GALM: variants seen among roughly 807,000 people sequenced by gnomAD.
GALM encodes the protein aldose 1-epimerase.
Under a neutral mutation model 37.4 loss-of-function variants are expected in GALM, and 43 were observed. The ratio of observed to expected loss-of-function variants is 1.15; its 90% CI spans 0.90 to 1.48. The LOEUF (loss-of-function observed/expected upper bound fraction) is 1.48, where lower values mean the gene tolerates loss of function less well. GALM is among the 40% of genes most tolerant of loss of function. GALM has a pLI of 0.00. For synonymous variants in GALM, 199 were observed against 170.6 expected (o/e 1.17, Z -1.30); for missense variants, 456 against 419.1 (o/e 1.09, Z -0.77).
At chr2:38,689,940 C>T (rs1208446331) in intron 4 of GALM, 46 bp downstream of exon 4, 1 of 1,110,114 alleles carries the variant, frequency 9.0e-7, no homozygotes, top group South Asian at 1.3e-5. Flanking sequence ...CATGGATTGG[C>T]TCTCGAGGCC....
chr2:38,689,633 T>C (rs1046758305), intron 3 of GALM, among the ~76,000 whole-genome samples, 180 bp from the exon 4 acceptor site: 6 of 152,228 alleles, frequency 3.9e-5, no homozygotes, highest in African/African-American at 1.4e-4. Flanking sequence ...AATTTATCTG[T>C]TGCTATTTTG....
chr2:38,729,493 AG>A, intron 4 of GALM, 62 bp from the exon 5 acceptor site: 3 of 1,471,866 alleles, frequency 2.0e-6, no homozygotes, highest in Non-Finnish European at 2.8e-6. Context: ...GCCTTTGTGG[AG>A]GCTCTATATA....
intron 1 of GALM, among the ~76,000 whole-genome samples, chr2:38,669,932 G>A (rs13011383): frequency 0.098 from 14,537 of 148,246 alleles, 943 homozygotes; most frequent in South Asian, 0.23. Context: ...GCGCTATCTC[G>A]GCTCACTGCA....
intron 3 of GALM, among the ~76,000 whole-genome samples, chr2:38,688,043 C>T (rs1236379553): frequency 2.0e-5 from 3 of 151,682 alleles, no homozygotes; most frequent in Non-Finnish European, 4.4e-5. Context: ...GAAACCCCAT[C>T]TCTACTAAAA....
At chr2:38,681,779 T>C (rs1028932717) in intron 3 of GALM, among the ~76,000 whole-genome samples, 1 of 152,242 alleles carries the variant, frequency 6.6e-6, no homozygotes, top group African/African-American at 2.4e-5. Context: ...TGTGCTTATA[T>C]TTGCTTCCCT....
chr2:38,694,869 C>T (rs1325316976), intron 4 of GALM, among the ~76,000 whole-genome samples: 1 of 143,934 alleles, frequency 6.9e-6, no homozygotes, highest in Non-Finnish European at 1.5e-5. Context: ...TACACTCCAG[C>T]CTGGGCAACA....
intron 4 of GALM, among the ~76,000 whole-genome samples, chr2:38,701,817 T>C (rs1281593062): frequency 6.6e-6 from 1 of 152,186 alleles, no homozygotes; most frequent in Non-Finnish European, 1.5e-5. Context: ...TTGATCTTTA[T>C]GTATTAGCAT....
chr2:38,727,902 T>C (rs189912817), intron 4 of GALM, among the ~76,000 whole-genome samples: 425 of 152,310 alleles, frequency 2.8e-3, no homozygotes, highest in African/African-American at 9.7e-3. Context: ...TACAAGTTCC[T>C]GCTTTTTCTT....
intron 4 of GALM, among the ~76,000 whole-genome samples, chr2:38,690,698 G>A (rs569045472): frequency 6.6e-6 from 1 of 152,268 alleles, no homozygotes; most frequent in East Asian, 1.9e-4. Context: ...CTCTCAGAGG[G>A]CTGGGATTAC....
At chr2:38,680,004 A>C in intron 2 of GALM, 1 of 452,656 alleles carries the variant, frequency 2.2e-6, no homozygotes, top group Non-Finnish European at 4.4e-6. Context: ...CAAAAGCAAA[A>C]TGCCTTTTAT....
intron 4 of GALM, among the ~76,000 whole-genome samples, chr2:38,727,352 A>C (rs996566201): frequency 6.6e-6 from 1 of 152,136 alleles, no homozygotes; most frequent in African/African-American, 2.4e-5. Context: ...GTACCTAGGC[A>C]TCCTGAGGCT....
chr2:38,666,343 A>G lies in GALM; in HGVS notation c.182A>G (p.Glu61Gly). 2 of 1,611,146 alleles carry G rather than the reference A, an allele frequency of 1.2e-6. No homozygotes were observed. The highest frequency in any genetic ancestry group is 2.2e-5 in the East Asian group (1 of 44,744). ...RASDVVLGFAELEGYLQKQPY... is the reference protein window; with the variant it reads ...RASDVVLGFAGLEGYLQKQPY... ...TCGGACGTGGTGCTTGGCTTCGCCG[A>G]GTTGGAAGGTGGGTTGAACTGTGCC... Residue 61 changes from glutamate to glycine, a missense_variant, in exon 1 of 7, where the codon GAG becomes GGG. Physicochemically the swap from Glu to Gly is moderately conservative, Grantham distance 98. Transcript: ENST00000272252.
At chr2:38,723,236 C>G (rs554661165) in intron 4 of GALM, among the ~76,000 whole-genome samples, 1 of 152,276 alleles carries the variant, frequency 6.6e-6, no homozygotes, top group Admixed American at 6.5e-5. Flanking sequence ...CCAACTAACT[C>G]AGAGTTGAGA....
rs1396839526 is a variant in GALM at position 38,675,541 on chromosome 2, TTTTGTGTGTGTGTG to T, written c.191-369_191-356del. ...GGGTTTTTTTGTTTTTTTTTTTTTT[TTTTGTGTGTGTGTG>T]TGTGTGTGTGTGTGTGTGTGTGTGT... On this transcript the variant is annotated intron_variant, in intron 1 of 6. Coordinates refer to ENST00000272252, the MANE Select transcript of GALM (RefSeq NM_138801.3). 9.6e-4 allele frequency among the ~76,000 whole-genome samples: 63 copies of T among 65,566 alleles called. No homozygotes were observed. In the South Asian group the frequency reaches 0.011, roughly 11 times the overall value. The allele number at this position is 65,566 out of a possible 152,430, so 43.0% of individuals were successfully genotyped here.
chr2:38,682,913 AT>A (rs1377116260), intron 3 of GALM, among the ~76,000 whole-genome samples: 1 of 150,900 alleles, frequency 6.6e-6, no homozygotes, highest in Non-Finnish European at 1.5e-5. Flanking sequence ...AAAAAAAAAA[AT>A]CTTAAAAACG....
intron 4 of GALM, among the ~76,000 whole-genome samples, chr2:38,700,269 C>A (rs1237064355): frequency 6.6e-6 from 1 of 152,052 alleles, no homozygotes; most frequent in Non-Finnish European, 1.5e-5. Flanking sequence ...CAGTTTAAAT[C>A]TAGTGTTTTG....
In GALM at chr2:38,731,854, C is replaced by T; in HGVS notation, c.896C>T (p.Pro299Leu). ...TLKGKNGAVY[P>L]KHSGFCLETQ... ...AAGGGCAAGAATGGAGCTGTCTATC[C>T]CAAGCACTCCGGTTTCTGCCTGGAG... The change falls in exon 6 of 7, where the codon CCC (proline) becomes CTC (leucine). Residue 299 changes from proline to leucine, a missense_variant. Physicochemically the swap from Pro to Leu is moderately conservative, Grantham distance 98 (BLOSUM62 -3). Coordinates refer to ENST00000272252, the MANE Select transcript of GALM (RefSeq NM_138801.3). The T allele has an allele frequency of 5.6e-6, 9 of 1,614,128 alleles. No homozygotes were observed. The highest frequency in any genetic ancestry group is 7.6e-6 in the Non-Finnish European group (9 of 1,180,022).
chr2:38,722,219 AC>A (rs921292636), intron 4 of GALM, among the ~76,000 whole-genome samples: 9 of 151,066 alleles, frequency 6.0e-5, no homozygotes, highest in African/African-American at 2.2e-4. Flanking sequence ...CATGAGAATC[AC>A]CCCTTTGCAC....
Position 38,731,875 on chromosome 2 carries a change from T to C in GALM, c.917T>C (p.Leu306Pro), listed in dbSNP as rs1666616744. ...TATCCCAAGCACTCCGGTTTCTGCC[T>C]GGAGACTCAGAACTGGCCTGATGCA... is the stretch of plus-strand genomic sequence containing the variant. ...AVYPKHSGFCLETQNWPDAVN... is the reference protein window; with the variant it reads ...AVYPKHSGFCPETQNWPDAVN... Residue 306 changes from leucine (L) to proline (P), a missense_variant, in exon 6 of 7, where the codon CTG becomes CCG. Coordinates refer to ENST00000272252, the MANE Select transcript of GALM (RefSeq NM_138801.3). The C allele has an allele frequency of 6.2e-7, 1 of 1,614,160 alleles. No individual in the cohort carries two copies. The highest frequency in any genetic ancestry group is 8.5e-7 in the Non-Finnish European group (1 of 1,180,008).
Sources: allele counts gnomAD v4.1 joint callset (sites outside exome capture counted in the v4.1 genomes callset), GRCh38; gene constraint gnomAD v4.1.1; transcripts MANE v1.5; gene names NCBI Gene and HGNC (gene_info 2026-07-23, HGNC 2026-07-21).